Variants in RBMS3 observed in about 807,000 individuals in gnomAD.
RBMS3 encodes RNA-binding motif, single-stranded-interacting protein 3.
In RBMS3, 27 loss-of-function variants were observed where a neutral mutation model predicts 66.8. The ratio of observed to expected loss-of-function variants is 0.40; its 90% confidence interval spans 0.30 to 0.56. The LOEUF (loss-of-function observed/expected upper bound fraction) is 0.56, where lower values mean the gene tolerates loss of function less well. RBMS3 is among the 20% of genes least tolerant of loss of function. The probability of loss-of-function intolerance (pLI) is 0.40; values close to 1 mark genes in which losing one functional copy is unlikely to be tolerated. For missense variants in RBMS3, 513 were observed against 549.5 expected, an observed-to-expected ratio of 0.93 and a Z score of 0.66; for synonymous variants, 188 against 183.0, an observed-to-expected ratio of 1.03 and a Z score of -0.22.
chr3:29,431,675 A>G (rs1208470550), intron 1 of RBMS3, among the ~76,000 whole-genome samples: 1 of 151,036 alleles, frequency 6.6e-6, no homozygotes, highest in Non-Finnish European at 1.5e-5. Flanking sequence ...GCATTTCTCA[A>G]CTGTTGGTCA....
chr3:29,657,409 T>G (rs2050363677), intron 4 of RBMS3, among the ~76,000 whole-genome samples: 1 of 152,210 alleles, frequency 6.6e-6, no homozygotes, highest in Non-Finnish European at 1.5e-5. Context: ...CTAACTGCAT[T>G]CTCCACCTTA....
At chr3:29,954,458 A>G (rs749142310) in intron 12 of RBMS3, among the ~76,000 whole-genome samples, 2 of 151,992 alleles carry the variant, frequency 1.3e-5, no homozygotes, top group Admixed American at 6.6e-5. Context: ...CTAAGCCAAG[A>G]TGTTTTAAGT....
intron 6 of RBMS3, among the ~76,000 whole-genome samples, chr3:29,860,561 A>G (rs1247806749): frequency 6.6e-6 from 1 of 152,172 alleles, no homozygotes; most frequent in Middle Eastern, 3.2e-3. Flanking sequence ...ATGCTCTACG[A>G]ATGCCTATCT....
At position 29,434,830 on chromosome 3, in the gene RBMS3, G is replaced by T; in HGVS notation, c.163G>T (p.Gly55Trp). 6.2e-7 allele frequency: 1 copy of T among 1,614,068 alleles called. No homozygotes were observed. The highest frequency in any genetic ancestry group is 8.5e-7 in the Non-Finnish European group (1 of 1,180,016). ...CAACAACAGCAGCAACAACAGCAGC[G>T]GGGAACAGTTGAGTAAAACCAACCT... is the stretch of plus-strand genomic sequence containing the variant. ...SSNNSSNNSS[G>W]EQLSKTNLYI... The change falls in exon 2 of 15, where the codon GGG becomes TGG. Residue 55 changes from glycine to tryptophan, a missense_variant. Transcript: ENST00000383767.
In RBMS3 at chr3:29,488,422, T is replaced by C. The variant is rs1553610258; in HGVS notation, c.249-19T>C. On this transcript the variant is annotated intron_variant, in intron 2 of 14. Transcript: ENST00000383767. ...ATGGGTTACAATAACATGGGTTTTT[T>C]TCTCTCTCTCTCTTTCAGGTATGGA... The C allele has an allele frequency of 6.3e-6, 10 of 1,587,200 alleles. No homozygotes were observed. The South Asian group carries it at 9.9e-5, about 16-fold the overall frequency.
intron 3 of RBMS3, among the ~76,000 whole-genome samples, chr3:29,529,005 A>C (rs531015148): frequency 1.3e-5 from 2 of 152,268 alleles, no homozygotes; most frequent in South Asian, 4.1e-4. Context: ...TGGCCTCCCA[A>C]AGTGCTGGGA....
At chr3:29,675,237 A>T (rs2149252021) in intron 4 of RBMS3, among the ~76,000 whole-genome samples, 1 of 152,340 alleles carries the variant, frequency 6.6e-6, no homozygotes, top group Admixed American at 6.5e-5. Flanking sequence ...AGAAAGCTGA[A>T]ACTGGATCCC....
intron 6 of RBMS3, among the ~76,000 whole-genome samples, chr3:29,796,245 T>G (rs776241222): frequency 6.6e-5 from 10 of 152,204 alleles, no homozygotes; most frequent in Non-Finnish European, 1.5e-4. Flanking sequence ...ATTACAGGCC[T>G]GAGCCACCGT....
chr3:29,630,238 A>G (rs1179124642), intron 4 of RBMS3, among the ~76,000 whole-genome samples: 3 of 152,010 alleles, frequency 2.0e-5, no homozygotes, highest in Non-Finnish European at 4.4e-5. Context: ...ATGCCAACTC[A>G]GTTTTGTTTT....
chr3:29,778,322 C>T (rs2056495870), intron 6 of RBMS3, among the ~76,000 whole-genome samples: 1 of 151,630 alleles, frequency 6.6e-6, no homozygotes, highest in Non-Finnish European at 1.5e-5. Flanking sequence ...TTGTGACTCT[C>T]TGTATATGAT....
At chr3:29,342,894 A>G (rs1425483073) in intron 1 of RBMS3, among the ~76,000 whole-genome samples, 2 of 152,174 alleles carry the variant, frequency 1.3e-5, no homozygotes, top group African/African-American at 4.8e-5. Context: ...ATGGAAATTA[A>G]TGGAAAAATT....
intron 6 of RBMS3, among the ~76,000 whole-genome samples, chr3:29,855,367 A>G (rs1162494951): frequency 6.6e-6 from 1 of 152,218 alleles, no homozygotes; most frequent in Non-Finnish European, 1.5e-5. Flanking sequence ...AAGCTTTTAC[A>G]GATTCCTAGA....
intron 6 of RBMS3, among the ~76,000 whole-genome samples, chr3:29,811,146 G>A (rs927726107): frequency 6.6e-6 from 1 of 152,152 alleles, no homozygotes; most frequent in Admixed American, 6.6e-5. Flanking sequence ...CAGTCCCTGG[G>A]AACATGAGGG....
chr3:29,876,667 G>A (rs1395500213), intron 7 of RBMS3, among the ~76,000 whole-genome samples: 1 of 152,086 alleles, frequency 6.6e-6, no homozygotes, highest in Admixed American at 6.5e-5. Context: ...GGCTTTAAGA[G>A]GCTATGACAT....
At chr3:29,723,939 A>G (rs1189047271) in intron 4 of RBMS3, among the ~76,000 whole-genome samples, 1 of 152,132 alleles carries the variant, frequency 6.6e-6, no homozygotes, top group Non-Finnish European at 1.5e-5. Context: ...GGAAGTCTGA[A>G]TAACACTACA....
intron 3 of RBMS3, among the ~76,000 whole-genome samples, chr3:29,513,596 G>A (rs2044500379): frequency 6.6e-6 from 1 of 152,172 alleles, no homozygotes; most frequent in South Asian, 2.1e-4. Flanking sequence ...TGACTGATCT[G>A]TCATTCATTA....
intron 6 of RBMS3, among the ~76,000 whole-genome samples, chr3:29,791,405 T>C (rs999569475): frequency 2.0e-5 from 3 of 152,218 alleles, no homozygotes; most frequent in Non-Finnish European, 4.4e-5. Flanking sequence ...AATTTCAGGA[T>C]ATCATTAAAA....
At chr3:29,781,121 C>T (rs949523837) in intron 6 of RBMS3, among the ~76,000 whole-genome samples, 16 of 147,198 alleles carry the variant, frequency 1.1e-4, no homozygotes, top group African/African-American at 2.3e-4. Context: ...CCCCCTCCCC[C>T]GAGAATAGTT....
chr3:29,528,703 A>C (rs1158527951), intron 3 of RBMS3, among the ~76,000 whole-genome samples: 1 of 152,116 alleles, frequency 6.6e-6, no homozygotes, highest in Non-Finnish European at 1.5e-5. Flanking sequence ...ACCATATTGA[A>C]AAACATCTGA....
Sources: allele counts gnomAD v4.1 joint callset (sites outside exome capture counted in the v4.1 genomes callset), GRCh38; gene constraint gnomAD v4.1.1; transcripts MANE v1.5; gene names NCBI Gene and HGNC (gene_info 2026-07-23, HGNC 2026-07-21).